The following ZNF804B variants were observed in gnomAD, a reference collection of about 807,000 sequenced individuals.
ZNF804B encodes the protein zinc finger 804B.
ZNF804B carries 80 observed loss-of-function variants against 101.4 expected under a neutral mutation model. The ratio of observed to expected loss-of-function variants is 0.79; its 90% CI spans 0.66 to 0.95. The LOEUF is 0.95. ZNF804B is among the 40% of genes least tolerant of loss of function. ZNF804B has a pLI of 0.00. For missense variants in ZNF804B, 1,673 were observed against 1,561.9 expected, an observed-to-expected ratio of 1.07 and a Z score of -1.20; for synonymous variants, 622 against 558.8, an observed-to-expected ratio of 1.11 and a Z score of -1.59.
At chr7:89,076,724 G>A (rs1789619901) in intron 1 of ZNF804B, among the ~76,000 whole-genome samples, 2 of 152,276 alleles carry the variant, frequency 1.3e-5, no homozygotes, top group South Asian at 4.1e-4. Flanking sequence ...AGCTAGTAGA[G>A]TGATGTTATA....
rs1791049598 is a variant in ZNF804B at position 89,334,840 on chromosome 7, G to T, written c.1858G>T (p.Asp620Tyr). The T allele has an allele frequency of 6.2e-7, 1 of 1,613,696 alleles. No individual in the cohort carries two copies. Among genetic ancestry groups the T allele is most frequent in the Admixed American group, 1.7e-5 (1 of 59,904 alleles). ...WQGCRKAVLN[D>Y]IDEDLSFPSY... ...AGGCTGCAGAAAGGCAGTTCTAAAT[G>T]ATATAGATGAGGACCTATCTTTTCC... The change falls in exon 4 of 4, where the codon GAT (aspartate) becomes TAT (tyrosine). Residue 620 changes from aspartate (D) to tyrosine (Y), a missense_variant. By Grantham distance (160) the Asp-to-Tyr change is radical. Transcript: ENST00000333190.
At chr7:88,925,064 A>G (rs549543216) in intron 1 of ZNF804B, among the ~76,000 whole-genome samples, 7 of 152,282 alleles carry the variant, frequency 4.6e-5, no homozygotes, top group South Asian at 4.1e-4. Flanking sequence ...CTTTGTTTGT[A>G]GTAATATAGG....
intron 1 of ZNF804B, among the ~76,000 whole-genome samples, chr7:89,155,871 T>G (rs2116412063): frequency 6.6e-6 from 1 of 151,808 alleles, no homozygotes; most frequent in Admixed American, 6.6e-5. Context: ...GACCACCCCT[T>G]TCTTCCTCCT....
intron 1 of ZNF804B, among the ~76,000 whole-genome samples, chr7:88,873,481 C>A (rs1452797408): frequency 6.6e-6 from 1 of 152,074 alleles, no homozygotes; most frequent in Non-Finnish European, 1.5e-5. Flanking sequence ...TAATTAGATC[C>A]CATTTGTCAA....
At chr7:88,983,919 C>A (rs1441525206) in intron 1 of ZNF804B, among the ~76,000 whole-genome samples, 1 of 151,950 alleles carries the variant, frequency 6.6e-6, no homozygotes, top group Non-Finnish European at 1.5e-5. Flanking sequence ...CTATATCTGA[C>A]AAATCTTGGC....
At chr7:89,170,934 C>T (rs1791214402) in intron 1 of ZNF804B, among the ~76,000 whole-genome samples, 1 of 152,128 alleles carries the variant, frequency 6.6e-6, no homozygotes, top group Non-Finnish European at 1.5e-5. Flanking sequence ...CATCTTTCAC[C>T]TCTCAGCCCC....
At chr7:88,825,134 G>A (rs745926856) in intron 1 of ZNF804B, among the ~76,000 whole-genome samples, 1 of 152,136 alleles carries the variant, frequency 6.6e-6, no homozygotes. Context: ...ATTGGGGAGT[G>A]CAGAAGGAGC....
intron 1 of ZNF804B, among the ~76,000 whole-genome samples, chr7:88,951,633 A>G (rs1474802685): frequency 5.9e-5 from 9 of 151,912 alleles, no homozygotes; most frequent in Admixed American, 5.9e-4. Flanking sequence ...CAACATCTTT[A>G]TTACAAAAGG....
At chr7:88,976,223 T>C (rs911938856) in intron 1 of ZNF804B, among the ~76,000 whole-genome samples, 6 of 151,754 alleles carry the variant, frequency 4.0e-5, no homozygotes, top group African/African-American at 1.2e-4. Context: ...AGAATGGCTT[T>C]GGATATTCTG....
chr7:89,078,230 A>G (rs897663592), intron 1 of ZNF804B, among the ~76,000 whole-genome samples: 1 of 152,086 alleles, frequency 6.6e-6, no homozygotes, highest in Non-Finnish European at 1.5e-5. Flanking sequence ...AATTTACAAT[A>G]TATTATTGCA....
intron 2 of ZNF804B, among the ~76,000 whole-genome samples, chr7:89,255,063 A>G (rs62470330): frequency 0.12 from 18,617 of 152,208 alleles, 1,225 homozygotes; most frequent in Middle Eastern, 0.25. Flanking sequence ...TATAAAGGAG[A>G]CAGATTTAAT....
intron 1 of ZNF804B, among the ~76,000 whole-genome samples, chr7:89,102,924 C>T (rs1240341731): frequency 6.6e-6 from 1 of 151,706 alleles, no homozygotes; most frequent in South Asian, 2.1e-4. Context: ...TTCACAGAAC[C>T]ATTTATTGAA....
At chr7:89,149,501 GTAAT>G (rs1198461105) in intron 1 of ZNF804B, among the ~76,000 whole-genome samples, 13 of 151,960 alleles carry the variant, frequency 8.6e-5, no homozygotes, top group Admixed American at 5.9e-4. Context: ...TTCTTTGAAA[GTAAT>G]TAATTGATAC....
At chr7:89,033,305 G>C (rs1788868908) in intron 1 of ZNF804B, among the ~76,000 whole-genome samples, 1 of 152,058 alleles carries the variant, frequency 6.6e-6, no homozygotes, top group Non-Finnish European at 1.5e-5. Flanking sequence ...TCTTTATAAA[G>C]GCTGAATTAG....
rs117914005 is a variant in ZNF804B at position 89,207,849 on chromosome 7, G to T, written c.109-10306G>T. 2.0e-5 allele frequency among the ~76,000 whole-genome samples: 3 copies of T among 152,214 alleles called. No homozygotes were observed. In the East Asian group the frequency reaches 5.8e-4, roughly 29 times the overall value. ...TTGGTAAACATAAACTCTAGGTCAA[G>T]AATTCACTGTAATTTAATTGCTTCA... On this transcript the variant is annotated intron_variant, in intron 1 of 3. Coordinates refer to ENST00000333190, the MANE Select transcript of ZNF804B (RefSeq NM_181646.5).
At chr7:88,939,984 TCAAA>T (rs1206312588) in intron 1 of ZNF804B, among the ~76,000 whole-genome samples, 2 of 151,910 alleles carry the variant, frequency 1.3e-5, no homozygotes, top group African/African-American at 2.4e-5. Flanking sequence ...AACTATCTTA[TCAAA>T]CAGACAAAAG....
At chr7:89,109,290 C>A (rs1243943306) in intron 1 of ZNF804B, among the ~76,000 whole-genome samples, 1 of 152,098 alleles carries the variant, frequency 6.6e-6, no homozygotes, top group Non-Finnish European at 1.5e-5. Context: ...AATGAGAATA[C>A]CATGAGATAG....
chr7:89,133,376 G>A (rs73393269), intron 1 of ZNF804B, among the ~76,000 whole-genome samples: 5 of 152,148 alleles, frequency 3.3e-5, no homozygotes, highest in African/African-American at 9.6e-5. Flanking sequence ...TAAGGATATG[G>A]TTGCTTCTGA....
At chr7:88,794,615 C>A in intron 1 of ZNF804B, 1 of 1,613,518 alleles carries the variant, frequency 6.2e-7, no homozygotes, top group Non-Finnish European at 8.5e-7. Flanking sequence ...TCTAAAAGAA[C>A]TTTGTAGAGA....
Sources: allele counts gnomAD v4.1 joint callset (sites outside exome capture counted in the v4.1 genomes callset), GRCh38; gene constraint gnomAD v4.1.1; transcripts MANE v1.5; gene names NCBI Gene and HGNC (gene_info 2026-07-23, HGNC 2026-07-21).